LRRC7: variants seen among roughly 807,000 people sequenced by gnomAD.
The protein encoded by LRRC7 is leucine-rich repeat-containing protein 7.
LRRC7 carries 23 observed loss-of-function variants against 175.7 expected under a neutral mutation model. The observed-to-expected ratio is 0.13, with a 90% CI of 0.09 to 0.19. LRRC7 has a LOEUF of 0.19. LRRC7 is among the 10% of genes least tolerant of loss of function. The pLI is 1.00. For missense variants in LRRC7, 1,354 were observed against 1,904.7 expected (o/e 0.71, Z 5.38); for synonymous variants, 685 against 680.9 (o/e 1.01, Z -0.09).
chr1:69,571,585 T>G (rs1480237195), intron 1 of LRRC7, among the ~76,000 whole-genome samples: 1 of 152,170 alleles, frequency 6.6e-6, no homozygotes, highest in Non-Finnish European at 1.5e-5. Flanking sequence ...TGATTAAATA[T>G]TTGATACAAA....
rs921012907 is a variant in LRRC7, at chr1:69,844,334, C to T, written c.647+6051C>T. On this transcript the variant is annotated intron_variant, in intron 7 of 26. Transcript: ENST00000651989. ...ATCTTGTATAACTGAAACTTTATAC[C>T]AATTGAACAACTCCCCATTCCCTCC... Among the ~76,000 whole-genome samples, 9 of 151,946 alleles carry T rather than the reference C, an allele frequency of 5.9e-5. No individual in the cohort carries two copies. The South Asian group carries it at 6.2e-4, about 11-fold the overall frequency.
intron 1 of LRRC7, among the ~76,000 whole-genome samples, chr1:69,609,829 T>A (rs1247632360): frequency 6.6e-6 from 1 of 152,132 alleles, no homozygotes; most frequent in Non-Finnish European, 1.5e-5. Flanking sequence ...ATTGTTTACA[T>A]AGAATAATGC....
rs1299700308 is a variant in LRRC7, at chr1:69,881,397, T to C, written c.647+43114T>C. On this transcript the variant is annotated intron_variant, in intron 7 of 26. Transcript: ENST00000651989. ...CAATGAAACCAGTACTTGTATGTGC[T>C]ATTAGTTCTAATCATGCTGCTAGAA... is the stretch of plus-strand genomic sequence containing the variant. Among the ~76,000 whole-genome samples, 3 of 152,242 alleles carry C rather than the reference T, an allele frequency of 2.0e-5. No individual in the cohort carries two copies. The East Asian group carries it at 5.8e-4, about 29-fold the overall frequency.
intron 10 of LRRC7, among the ~76,000 whole-genome samples, chr1:69,992,236 A>G (rs1654509398): frequency 6.6e-6 from 1 of 152,144 alleles, no homozygotes; most frequent in Non-Finnish European, 1.5e-5. Flanking sequence ...TCAAAGTTCT[A>G]TTATATATTT....
chr1:69,640,591 G>A (rs1380920401), intron 1 of LRRC7, among the ~76,000 whole-genome samples: 3 of 150,046 alleles, frequency 2.0e-5, no homozygotes, highest in Non-Finnish European at 3.0e-5. Context: ...TAAATATTTT[G>A]TTATATTTAT....
chr1:69,594,924 A>T (rs757185948), intron 1 of LRRC7, among the ~76,000 whole-genome samples: 9 of 152,236 alleles, frequency 5.9e-5, no homozygotes, highest in Non-Finnish European at 1.2e-4. Flanking sequence ...AACTATATGA[A>T]AAAATGAAGA....
chr1:69,714,842 C>T (rs952812609), intron 2 of LRRC7, among the ~76,000 whole-genome samples: 2 of 151,910 alleles, frequency 1.3e-5, no homozygotes, highest in Non-Finnish European at 2.9e-5. Context: ...ACGTTAAAAC[C>T]GTAATTTCTA....
chr1:69,667,898 C>T (rs771736560), intron 1 of LRRC7, among the ~76,000 whole-genome samples: 13 of 151,984 alleles, frequency 8.6e-5, no homozygotes, highest in South Asian at 4.1e-4. Context: ...TCTTCCTTCT[C>T]GTCTTCCTTT....
chr1:69,741,713 C>T (rs1668731412), intron 2 of LRRC7, among the ~76,000 whole-genome samples: 1 of 151,908 alleles, frequency 6.6e-6, no homozygotes, highest in African/African-American at 2.4e-5. Flanking sequence ...AGCCAGTCAC[C>T]GAGTCTTGCT....
chr1:69,869,668 G>A (rs1331710063), intron 7 of LRRC7, among the ~76,000 whole-genome samples: 1 of 152,074 alleles, frequency 6.6e-6, no homozygotes, highest in Non-Finnish European at 1.5e-5. Context: ...GACAGGCAGA[G>A]AACAAGCCCC....
Position 69,743,839 on chromosome 1 carries a change from A to C in LRRC7, c.101-16352A>C, listed in dbSNP as rs1022630980. On this transcript the variant is annotated intron_variant, in intron 2 of 26. Coordinates refer to ENST00000651989, the MANE Select transcript of LRRC7 (RefSeq NM_001370785.2). Reference sequence around the variant, plus strand: ...AAAACTTACTGAGGAAAACAGTTTTATGAGACTTACTTGAAATGCAAACTT... The same window carrying C: ...AAAACTTACTGAGGAAAACAGTTTTCTGAGACTTACTTGAAATGCAAACTT... 2.0e-5 allele frequency among the ~76,000 whole-genome samples: 3 copies of C among 151,916 alleles called. No homozygotes were observed. In the East Asian group the frequency reaches 5.8e-4, roughly 29 times the overall value.
chr1:70,000,190 A>G (rs1655394956), intron 11 of LRRC7, among the ~76,000 whole-genome samples: 1 of 152,198 alleles, frequency 6.6e-6, no homozygotes, highest in Admixed American at 6.5e-5. Flanking sequence ...TAAACAGCCT[A>G]TACAGGCCTG....
chr1:69,994,506 C>A, intron 10 of LRRC7, 55 bp from the exon 11 acceptor site: 2 of 1,200,700 alleles, frequency 1.7e-6, no homozygotes, highest in African/African-American at 1.5e-5. Flanking sequence ...TTTTATATCA[C>A]ATTTCCTGTC....
intron 7 of LRRC7, chr1:69,879,729 C>T (rs1686407861): frequency 1.3e-5 from 2 of 152,242 alleles, no homozygotes; most frequent in South Asian, 4.1e-4. Context: ...AATATGGTGA[C>T]CTTCCTGGAG....
intron 2 of LRRC7, among the ~76,000 whole-genome samples, chr1:69,688,980 G>A (rs1296265311): frequency 1.3e-5 from 2 of 152,168 alleles, no homozygotes; most frequent in Non-Finnish European, 2.9e-5. Flanking sequence ...TGGAGCAAAG[G>A]ATAGAGGAGG....
At chr1:69,832,412 T>A (rs1399953361) in intron 5 of LRRC7, among the ~76,000 whole-genome samples, 1 of 152,094 alleles carries the variant, frequency 6.6e-6, no homozygotes, top group African/African-American at 2.4e-5. Flanking sequence ...TTTGTTCCAG[T>A]GTACAACAAA....
At chr1:69,711,839 A>G (rs1053909290) in intron 2 of LRRC7, among the ~76,000 whole-genome samples, 1 of 152,172 alleles carries the variant, frequency 6.6e-6, no homozygotes, top group Non-Finnish European at 1.5e-5. Flanking sequence ...CGTACTTTCC[A>G]CTTTTGAGTA....
At chr1:70,068,956 G>A (rs1032833316) in intron 23 of LRRC7, among the ~76,000 whole-genome samples, 1 of 152,092 alleles carries the variant, frequency 6.6e-6, no homozygotes, top group African/African-American at 2.4e-5. Flanking sequence ...TAAATATTCG[G>A]TAGAAATGTC....
At chr1:70,022,342 T>G (rs1657599265) in intron 16 of LRRC7, 1 of 152,194 alleles carries the variant, frequency 6.6e-6, no homozygotes, top group South Asian at 2.1e-4. Flanking sequence ...ACCGGACTTC[T>G]GATTCATCTT....
Sources: gnomAD v4.1 joint callset for allele counts (sites outside exome capture counted in the v4.1 genomes callset) on GRCh38, gnomAD v4.1.1 for gene constraint, MANE v1.5 for transcripts, NCBI Gene and HGNC (gene_info 2026-07-23, HGNC 2026-07-21) for gene names.